Variants in NTM observed in about 807,000 individuals in gnomAD.
The protein encoded by NTM is neurotrimin.
A neutral mutation model predicts 42.1 loss-of-function variants in NTM; 13 were observed. The observed-to-expected ratio is 0.31, with a 90% CI of 0.20 to 0.49. NTM has a LOEUF of 0.49. Among genes scored for constraint, NTM ranks in the 20% least tolerant of loss-of-function variants. The pLI, the probability that NTM is intolerant of heterozygous loss-of-function variation, is 0.99. For synonymous variants in NTM, 187 were observed against 179.2 expected, an observed-to-expected ratio of 1.04 and a Z score of -0.35; for missense variants, 373 against 452.8, an observed-to-expected ratio of 0.82 and a Z score of 1.60.
chr11:132,290,253 G>A (rs1168284431), intron 4 of NTM, among the ~76,000 whole-genome samples: 2 of 151,766 alleles, frequency 1.3e-5, no homozygotes, highest in Non-Finnish European at 2.9e-5. Flanking sequence ...CTAAAAGATA[G>A]TCTGATTTTT....
intron 2 of NTM, among the ~76,000 whole-genome samples, chr11:132,034,390 T>C (rs2076268093): frequency 6.6e-6 from 1 of 152,174 alleles, no homozygotes; most frequent in Non-Finnish European, 1.5e-5. Context: ...TGAACTTCAG[T>C]GTGACAAACT....
chr11:131,445,252 C>A (rs939472254), intron 1 of NTM, among the ~76,000 whole-genome samples: 1 of 152,174 alleles, frequency 6.6e-6, no homozygotes. Context: ...CCCTGTACCC[C>A]TAAGGGTATG....
At chr11:132,334,666 G>A (rs2095855374) in intron 8 of NTM, among the ~76,000 whole-genome samples, 1 of 152,130 alleles carries the variant, frequency 6.6e-6, no homozygotes, top group Non-Finnish European at 1.5e-5. Context: ...GTGGATGGGT[G>A]ATGAGGCACT....
At chr11:131,536,785 C>T (rs1173997218) in intron 1 of NTM, 2 of 152,170 alleles carry the variant, frequency 1.3e-5, no homozygotes, top group African/African-American at 2.4e-5. Context: ...GGTGATCATC[C>T]GTGAGGAATA....
chr11:131,936,499 G>T (rs1215521462), intron 2 of NTM, among the ~76,000 whole-genome samples: 1 of 152,180 alleles, frequency 6.6e-6, no homozygotes, highest in African/African-American at 2.4e-5. Flanking sequence ...GAAGGAGGGT[G>T]GGTAGGAGGT....
In NTM at chr11:132,289,597, T is replaced by G. The variant is rs1386134408; in HGVS notation, c.527-18092T>G. 1.2e-4 allele frequency among the ~76,000 whole-genome samples: 19 copies of G among 152,214 alleles called. No individual in the cohort carries two copies. The East Asian group carries it at 3.7e-3, about 29-fold the overall frequency. On this transcript the variant is annotated intron_variant, in intron 4 of 8. Coordinates refer to ENST00000683400, the MANE Select transcript of NTM (RefSeq NM_001352005.2). ...CCATAACCTTAATGTTACAAATTTC[T>G]TGTGACTGAGTCCAACTCCAGGGAA...
chr11:131,393,246 A>G lies in NTM; in HGVS notation c.82+22358A>G, dbSNP rs570391278. Among the ~76,000 whole-genome samples the G allele has an allele frequency of 1.0e-3, 153 of 152,264 alleles. 1 individual carries two copies. The highest frequency in any genetic ancestry group is 1.7e-3 in the Non-Finnish European group (119 of 68,016). On this transcript the variant is annotated intron_variant, in intron 1 of 8. Transcript: ENST00000683400. ...AAGTGGATCCCCAGACTGGGATGCC[A>G]GTCCTTGCCAAAAGAAAGCCCCATG...
intron 1 of NTM, among the ~76,000 whole-genome samples, chr11:131,693,758 C>G (rs1190028780): frequency 1.3e-5 from 2 of 152,206 alleles, no homozygotes; most frequent in Admixed American, 1.3e-4. Flanking sequence ...CCTCGGGTAT[C>G]TTTTCAATGA....
chr11:131,822,904 G>A (rs894869183), intron 1 of NTM, among the ~76,000 whole-genome samples: 16 of 152,154 alleles, frequency 1.1e-4, no homozygotes, highest in Admixed American at 5.9e-4. Context: ...ATGCTCAAAG[G>A]TAGCATTGAT....
intron 4 of NTM, among the ~76,000 whole-genome samples, chr11:132,268,127 G>A (rs972244723): frequency 2.6e-5 from 4 of 152,250 alleles, no homozygotes; most frequent in Non-Finnish European, 5.9e-5. Context: ...ATGCTTAAAT[G>A]TGTAAAGATT....
At chr11:132,310,948 C>T (rs536409426) in intron 6 of NTM, among the ~76,000 whole-genome samples, 8 of 152,146 alleles carry the variant, frequency 5.3e-5, no homozygotes, top group East Asian at 1.9e-4. Flanking sequence ...GGATGAACAA[C>T]GGGAAATGGG....
At chr11:131,636,721 A>G (rs1473856194) in intron 1 of NTM, among the ~76,000 whole-genome samples, 1 of 152,172 alleles carries the variant, frequency 6.6e-6, no homozygotes, top group Non-Finnish European at 1.5e-5. Flanking sequence ...TCTTCCTCTA[A>G]CAGGCTATGA....
intron 1 of NTM, among the ~76,000 whole-genome samples, chr11:131,378,548 G>A (rs184236289): frequency 6.6e-6 from 1 of 152,266 alleles, no homozygotes; most frequent in East Asian, 1.9e-4. Flanking sequence ...ATTCATATAT[G>A]CATGCATTTA....
intron 1 of NTM, among the ~76,000 whole-genome samples, chr11:131,488,322 A>T (rs957823236): frequency 6.6e-6 from 1 of 152,196 alleles, no homozygotes; most frequent in African/African-American, 2.4e-5. Context: ...GGTCTGAAAC[A>T]TACAAGCCAG....
At chr11:132,103,948 A>G (rs573125919) in intron 2 of NTM, among the ~76,000 whole-genome samples, 1 of 152,322 alleles carries the variant, frequency 6.6e-6, no homozygotes, top group East Asian at 1.9e-4. Flanking sequence ...AGCACCTCTG[A>G]ACTTCAAATA....
intron 1 of NTM, among the ~76,000 whole-genome samples, chr11:131,414,622 C>T (rs1249965674): frequency 3.9e-5 from 6 of 152,186 alleles, no homozygotes; most frequent in East Asian, 1.9e-4. Flanking sequence ...CATGGTCTCC[C>T]ATGCTCTGCC....
intron 1 of NTM, among the ~76,000 whole-genome samples, chr11:131,810,830 T>A (rs2092703465): frequency 6.6e-6 from 1 of 152,136 alleles, no homozygotes; most frequent in Non-Finnish European, 1.5e-5. Flanking sequence ...AGTGCTGGAA[T>A]TTTCTTGGAT....
chr11:132,094,511 A>T (rs2156866), intron 2 of NTM, among the ~76,000 whole-genome samples: 32,580 of 152,106 alleles, frequency 0.21, 3,733 homozygotes, highest in Middle Eastern at 0.38. Context: ...TAAAGATTTT[A>T]GTCCTTCTCT....
rs142265711 is a variant in NTM, at chr11:132,169,656, T to G, written c.400+23142T>G. 2.9e-3 allele frequency among the ~76,000 whole-genome samples: 438 copies of G among 152,162 alleles called. No homozygotes were observed. In the Middle Eastern group the frequency reaches 0.034, roughly 12 times the overall value. ...GCCAATTTTTTACTTCTTGAATACT[T>G]CTTAGACTGGCAGTATCATTGACTG... is the stretch of plus-strand genomic sequence containing the variant. On this transcript the variant is annotated intron_variant, in intron 3 of 8. Transcript: ENST00000683400.
Sources: gnomAD v4.1 joint callset for allele counts (sites outside exome capture counted in the v4.1 genomes callset) on GRCh38, gnomAD v4.1.1 for gene constraint, MANE v1.5 for transcripts, NCBI Gene and HGNC (gene_info 2026-07-23, HGNC 2026-07-21) for gene names.